PRKG1: variants seen among roughly 807,000 people sequenced by gnomAD.
PRKG1 encodes the protein cGMP-dependent protein kinase 1.
In PRKG1, 35 loss-of-function variants were observed where a neutral mutation model predicts 88.1. The ratio of observed to expected loss-of-function variants is 0.40; its 90% CI spans 0.30 to 0.53. PRKG1 has a LOEUF of 0.53. Among genes scored for constraint, PRKG1 ranks in the 20% least tolerant of loss-of-function variants. The pLI, the probability that PRKG1 is intolerant of heterozygous loss-of-function variation, is 0.59. For synonymous variants in PRKG1, 303 were observed against 292.5 expected (o/e 1.04, Z -0.37); for missense variants, 540 against 839.8 (o/e 0.64, Z 4.41).
chr10:51,654,330 G>A (rs1840111520), intron 3 of PRKG1, among the ~76,000 whole-genome samples: 1 of 152,050 alleles, frequency 6.6e-6, no homozygotes, highest in Non-Finnish European at 1.5e-5. Context: ...AAGTTTAATT[G>A]ACTGTAAATA....
chr10:52,087,888 A>G (rs1846955326), intron 7 of PRKG1, among the ~76,000 whole-genome samples: 1 of 152,232 alleles, frequency 6.6e-6, no homozygotes, highest in African/African-American at 2.4e-5. Context: ...AGGAGACAAA[A>G]TAGGACACCA....
chr10:51,384,210 A>C (rs1220234587), intron 2 of PRKG1, among the ~76,000 whole-genome samples: 1 of 152,236 alleles, frequency 6.6e-6, no homozygotes, highest in Non-Finnish European at 1.5e-5. Flanking sequence ...CTCAAAGAAC[A>C]ATCTGAATTT....
chr10:52,122,116 G>A (rs926793140), intron 7 of PRKG1, among the ~76,000 whole-genome samples: 1 of 152,186 alleles, frequency 6.6e-6, no homozygotes, highest in African/African-American at 2.4e-5. Context: ...GCTCACATCT[G>A]GTGAGGGTCT....
intron 2 of PRKG1, among the ~76,000 whole-genome samples, chr10:51,336,798 T>G (rs2132540149): frequency 6.6e-6 from 1 of 152,278 alleles, no homozygotes; most frequent in East Asian, 1.9e-4. Context: ...ATGATTAACC[T>G]TAGATGAAAA....
intron 5 of PRKG1, among the ~76,000 whole-genome samples, chr10:52,005,690 T>A (rs1046634428): frequency 1.2e-4 from 19 of 152,166 alleles, no homozygotes; most frequent in African/African-American, 4.6e-4. Flanking sequence ...TCTGCCTGAA[T>A]TTGCTGAGGG....
At chr10:52,220,217 T>C (rs1840209483) in intron 9 of PRKG1, among the ~76,000 whole-genome samples, 1 of 152,124 alleles carries the variant, frequency 6.6e-6, no homozygotes, top group Non-Finnish European at 1.5e-5. Flanking sequence ...CCTTATTCCC[T>C]GAGGTTGTTT....
At chr10:51,887,929 C>T (rs10823822) in intron 4 of PRKG1, among the ~76,000 whole-genome samples, 49,234 of 151,822 alleles carry the variant, frequency 0.32, 8,979 homozygotes, top group African/African-American at 0.45. Context: ...CTGTTATGCA[C>T]GTTAAATAAA....
intron 2 of PRKG1, among the ~76,000 whole-genome samples, chr10:51,255,567 G>A (rs1202204861): frequency 1.3e-5 from 2 of 152,222 alleles, no homozygotes; most frequent in South Asian, 2.1e-4. Context: ...TCTCTACAAA[G>A]CATTGCTTTT....
chr10:51,207,552 C>T (rs1838094557), intron 2 of PRKG1, among the ~76,000 whole-genome samples: 1 of 151,922 alleles, frequency 6.6e-6, no homozygotes. Flanking sequence ...TTCTTATAGC[C>T]ATTCCAGAGA....
intron 8 of PRKG1, among the ~76,000 whole-genome samples, chr10:52,134,154 A>G (rs1183141853): frequency 6.6e-6 from 1 of 152,178 alleles, no homozygotes; most frequent in Non-Finnish European, 1.5e-5. Context: ...AAACTGAGGT[A>G]ATGAAATATC....
rs1474409712 is a variant in PRKG1, at chr10:52,079,971, T to G, written c.935+17340T>G. 2.0e-5 allele frequency among the ~76,000 whole-genome samples: 3 copies of G among 152,298 alleles called. No homozygotes were observed. In the East Asian group the frequency reaches 5.8e-4, roughly 29 times the overall value. On this transcript the variant is annotated intron_variant, in intron 7 of 17. Coordinates refer to ENST00000373980, the MANE Select transcript of PRKG1 (RefSeq NM_006258.4). ...GGTCCATAAAGAAAAGCTGTTCTGA[T>G]GGTAGCACAGCTTTCTCCAAAGCAC... is the stretch of plus-strand genomic sequence containing the variant.
chr10:51,875,675 T>TA (rs1473981864), intron 4 of PRKG1, among the ~76,000 whole-genome samples: 1 of 152,200 alleles, frequency 6.6e-6, no homozygotes, highest in African/African-American at 2.4e-5. Flanking sequence ...TATGTTTATT[T>TA]AAAAAATAAT....
At chr10:51,314,771 G>A (rs1300382286) in intron 2 of PRKG1, among the ~76,000 whole-genome samples, 1 of 152,148 alleles carries the variant, frequency 6.6e-6, no homozygotes, top group Non-Finnish European at 1.5e-5. Context: ...TTCTTATGAG[G>A]ACTGAATCTG....
chr10:51,422,325 T>C (rs746699885), intron 2 of PRKG1, among the ~76,000 whole-genome samples: 20 of 152,224 alleles, frequency 1.3e-4, no homozygotes, highest in Non-Finnish European at 2.5e-4. Flanking sequence ...GAAAGGGGAC[T>C]CCATAGGATG....
intron 2 of PRKG1, among the ~76,000 whole-genome samples, chr10:51,277,664 G>T (rs1179702603): frequency 6.6e-6 from 1 of 152,114 alleles, no homozygotes; most frequent in Non-Finnish European, 1.5e-5. Context: ...CCTTGAAGAG[G>T]TCCTTCACAT....
At chr10:51,087,634 T>TA (rs1273669647) in intron 1 of PRKG1, among the ~76,000 whole-genome samples, 2 of 152,250 alleles carry the variant, frequency 1.3e-5, no homozygotes, top group African/African-American at 4.8e-5. Flanking sequence ...AGCTCTTTGG[T>TA]AATTTTTAAT....
intron 1 of PRKG1, among the ~76,000 whole-genome samples, chr10:51,144,121 T>C (rs1246274562): frequency 1.3e-5 from 2 of 152,138 alleles, no homozygotes; most frequent in Non-Finnish European, 2.9e-5. Flanking sequence ...TTTAAGTCTT[T>C]AATCCATTTT....
intron 4 of PRKG1, among the ~76,000 whole-genome samples, chr10:51,854,911 AT>A (rs1840642283): frequency 6.6e-6 from 1 of 152,170 alleles, no homozygotes; most frequent in South Asian, 2.1e-4. Context: ...AACAGAGTGC[AT>A]ATATGTGGTT....
At chr10:51,978,901 G>C (rs1021857903) in intron 5 of PRKG1, among the ~76,000 whole-genome samples, 1 of 152,092 alleles carries the variant, frequency 6.6e-6, no homozygotes, top group Admixed American at 6.6e-5. Context: ...TATGTCATCT[G>C]CAAACAAGGA....
Sources: allele counts gnomAD v4.1 joint callset (sites outside exome capture counted in the v4.1 genomes callset), GRCh38; gene constraint gnomAD v4.1.1; transcripts MANE v1.5; gene names NCBI Gene and HGNC (gene_info 2026-07-23, HGNC 2026-07-21).